The following DHX16 variants were observed in gnomAD, a reference collection of about 807,000 sequenced individuals.
The protein encoded by DHX16 is DEAH-box helicase 16, also known as pre-mRNA-splicing factor ATP-dependent RNA helicase DHX16.
A neutral mutation model predicts 131.2 loss-of-function variants in DHX16; 81 were observed. The observed-to-expected ratio is 0.62, with a 90% CI of 0.52 to 0.74. DHX16 has a LOEUF of 0.74. Among genes scored for constraint, DHX16 ranks in the 30% least tolerant of loss-of-function variants. The pLI, the probability that DHX16 is intolerant of heterozygous loss-of-function variation, is 0.00. For synonymous variants in DHX16, 440 were observed against 520.2 expected (o/e 0.85, Z 2.10); for missense variants, 980 against 1,363.1 (o/e 0.72, Z 4.43).
intron 12 of DHX16, among the ~76,000 whole-genome samples, chr6:30,658,570 G>T (rs1768190904): frequency 6.7e-6 from 1 of 150,140 alleles, no homozygotes; most frequent in Admixed American, 6.6e-5. Flanking sequence ...AATTAGCTTG[G>T]GGTGGTGGTA....
intron 4 of DHX16, among the ~76,000 whole-genome samples, chr6:30,668,582 C>A (rs1394306511): frequency 6.6e-6 from 1 of 151,660 alleles, no homozygotes; most frequent in South Asian, 2.1e-4. Flanking sequence ...ACCCGGGAGG[C>A]GGAGGTTGCA....
In DHX16 at chr6:30,659,630, T is replaced by C; in HGVS notation, c.1855-6A>G. ...CAGGCAGCCTCAATCTCCTCCTGGA[T>C]AGAGGGTAGGGAGAGCAGCAGGGGT... On this transcript the variant is annotated splice_region_variant and splice_polypyrimidine_tract_variant and intron_variant, in intron 11 of 19. Transcript: ENST00000376442. 6.2e-7 allele frequency: 1 copy of C among 1,613,888 alleles called. No homozygotes were observed.
intron 7 of DHX16, among the ~76,000 whole-genome samples, chr6:30,663,461 C>T (rs1768709557): frequency 6.6e-6 from 1 of 152,148 alleles, no homozygotes; most frequent in Non-Finnish European, 1.5e-5. Flanking sequence ...GTGGCTCACA[C>T]CTGCAATTCC....
At position 30,656,321 on chromosome 6, in the gene DHX16, A is replaced by G; in HGVS notation, c.2431-56T>C. 1 of 1,610,630 alleles carries G rather than the reference A, an allele frequency of 6.2e-7. No individual in the cohort carries two copies. Among genetic ancestry groups the G allele is most frequent in the East Asian group, 2.2e-5 (1 of 44,862 alleles). ...GTCCTCCCTCAGGTTTCCCGCTACT[A>G]CTACAGGGGTCCCTGGAGCCATCCT... On this transcript the variant is annotated intron_variant, in intron 15 of 19. Transcript: ENST00000376442. This position sits in a 1 kb window ranked among gnomAD's most constrained non-coding sequence, Gnocchi z 5.1.
At chr6:30,654,668 T>TA in intron 19 of DHX16, 38 bp downstream of exon 19, 1 of 1,578,348 alleles carries the variant, frequency 6.3e-7, no homozygotes, top group Non-Finnish European at 8.6e-7. Flanking sequence ...TCTCTCTACA[T>TA]AGTCTCCACC....
In DHX16 at chr6:30,660,075, C is replaced by T. The variant is rs1384461457; in HGVS notation, c.1712G>A (p.Arg571Gln). ...CACAGGAAACCTGCGTCCGGGGATT[C>T]GAAACACAGGGGCGTCATCAAAGAA... ...STFFDDAPVF[R>Q]IPGRRFPVDI... is the part of the protein sequence containing the mutation. Residue 571 changes from arginine to glutamine, a missense_variant, in exon 10 of 20, where the codon CGA (arginine) becomes CAA (glutamine). Arg to Gln is a conservative substitution (Grantham distance 43). Around this residue, in one of 3 missense-constraint regions of DHX16, gnomAD observed 309 missense variants for 537.1 expected, o/e 0.58. Transcript: ENST00000376442. 3.7e-6 allele frequency: 6 copies of T among 1,612,768 alleles called. No homozygotes were observed. The highest frequency in any genetic ancestry group is 1.1e-5 in the South Asian group (1 of 91,040).
chr6:30,654,558 CA>C (rs1226266130), intron 19 of DHX16, 147 bp downstream of exon 19: 89 of 801,590 alleles, frequency 1.1e-4, no homozygotes, highest in South Asian at 1.9e-4. Context: ...TCAAAAAAAA[CA>C]AAAAAAAACA....
intron 12 of DHX16, among the ~76,000 whole-genome samples, chr6:30,657,971 T>C (rs1768135942): frequency 6.6e-6 from 1 of 152,258 alleles, no homozygotes; most frequent in Admixed American, 6.5e-5. Context: ...AGTGCAAGTT[T>C]GTTAGGCTAA....
In DHX16 at chr6:30,665,580, G is replaced by A. The variant is rs543682795; in HGVS notation, c.820C>T (p.Arg274Trp). ...RHERQELKYK[R>W]RVRDLAREYR... ...TCCCGGGCGAGATCCCGCACTCGCC[G>A]CTTATATTTGAGCTCCTGCCGCTCG... Residue 274 changes from arginine to tryptophan, a missense_variant, in exon 5 of 20, where the codon CGG (arginine) becomes TGG (tryptophan). Physicochemically the swap from Arg to Trp is moderately radical, Grantham distance 101. Transcript: ENST00000376442. The surrounding 1 kb of genome is among the most constrained non-coding windows in gnomAD (Gnocchi z 4.8). The A allele has an allele frequency of 2.9e-5, 46 of 1,612,978 alleles. No individual in the cohort carries two copies. Among genetic ancestry groups the A allele is most frequent in the South Asian group, 1.2e-4 (11 of 91,080 alleles).
rs1767650173 is a variant in DHX16 at position 30,653,459 on chromosome 6, G to C, written c.2998-89C>G. On this transcript the variant is annotated intron_variant, in intron 19 of 19. Transcript: ENST00000376442. The stretch of plus-strand genomic sequence containing the variant: ...TTTTTTTTTCTTAAATTGAAACAGA[G>C]TCTTGCTCTATTGCCCAGGCTGGAC... 2.8e-6 allele frequency: 4 copies of C among 1,434,010 alleles called. No homozygotes were observed. In the East Asian group the frequency reaches 9.7e-5, roughly 35 times the overall value. The allele number at this position is 1,434,010 out of a possible 1,614,324, so 88.8% of individuals were successfully genotyped here.
intron 19 of DHX16, among the ~76,000 whole-genome samples, chr6:30,653,915 T>C (rs1056275723): frequency 6.7e-6 from 1 of 149,112 alleles, no homozygotes; most frequent in Non-Finnish European, 1.5e-5. Context: ...AGGTCAGGAG[T>C]TCGAGATCAG....
At chr6:30,669,744 T>TAAAAAAAAAAAAAAAAAAAAA (rs953317689) in intron 4 of DHX16, among the ~76,000 whole-genome samples, 3 of 113,818 alleles carry the variant, frequency 2.6e-5, no homozygotes, top group Non-Finnish European at 5.3e-5. Flanking sequence ...AAAAAAGGTT[T>TAAAAAAAAAAAAAAAAAAAAA]AAAAAAAAAA....
rs1768876325 is a variant in DHX16, at chr6:30,664,933, G to C, written c.1185C>G (p.Val395=). The C allele has an allele frequency of 6.2e-7, 1 of 1,613,892 alleles. No individual in the cohort carries two copies. The stretch of plus-strand genomic sequence containing the variant: ...ATGGGAACACCGGGAGGCTGCGGCG[G>C]ACGGCCTGGATGGACTCTTTCTGCT... ...QAQQKESIQA[V]RRSLPVFPFR... Residue 395 remains valine (V), a synonymous_variant, in exon 7 of 20, where the codon GTC becomes GTG. Coordinates refer to ENST00000376442, the MANE Select transcript of DHX16 (RefSeq NM_003587.5).
At position 30,655,482 on chromosome 6, in the gene DHX16, A is replaced by G. The variant is rs752032921; in HGVS notation, c.2614T>C (p.Phe872Leu). ...VHADNARVNF[F>L]LPGGDHLVLL... Reference sequence around the variant, plus strand: ...ACCAGGTGGTCACCGCCAGGGAGAAAGAAGTTGACACGGGCATTGTCAGCA... The same window carrying G: ...ACCAGGTGGTCACCGCCAGGGAGAAGGAAGTTGACACGGGCATTGTCAGCA... The change falls in exon 17 of 20, where the codon TTT (phenylalanine) becomes CTT (leucine). Residue 872 changes from phenylalanine (F) to leucine (L), a missense_variant. By Grantham distance (22) the Phe-to-Leu change is conservative (BLOSUM62 0). This residue lies in a region of DHX16 where 214 missense variants were observed against 271.2 expected (regional missense o/e 0.79). Coordinates refer to ENST00000376442, the MANE Select transcript of DHX16 (RefSeq NM_003587.5). 2 of 1,613,388 alleles carry G rather than the reference A, an allele frequency of 1.2e-6. No homozygotes were observed. Among genetic ancestry groups the G allele is most frequent in the South Asian group, 1.1e-5 (1 of 91,088 alleles).
chr6:30,656,162 T>G lies in DHX16; in HGVS notation c.2498+36A>C, dbSNP rs1767959195. 6.2e-7 allele frequency: 1 copy of G among 1,606,222 alleles called. No homozygotes were observed. The highest frequency in any genetic ancestry group is 1.3e-5 in the African/African-American group (1 of 74,778). ...GGAGACAGAGGAGGCCTGGCCTGTT[T>G]GTGTGCTGGGGGCCCAGGTGGAGGC... On this transcript the variant is annotated intron_variant, in intron 16 of 19. Transcript: ENST00000376442. The surrounding 1 kb of genome is among the most constrained non-coding windows in gnomAD (Gnocchi z 5.1).
Position 30,672,654 on chromosome 6 carries a change from G to A in DHX16, c.188C>T (p.Ala63Val). 1 of 1,612,646 alleles carries A rather than the reference G, an allele frequency of 6.2e-7. No homozygotes were observed. The highest frequency in any genetic ancestry group is 8.5e-7 in the Non-Finnish European group (1 of 1,179,676). Residue 63 changes from alanine to valine, a missense_variant, in exon 1 of 20, where the codon GCC becomes GTC. Coordinates refer to ENST00000376442, the MANE Select transcript of DHX16 (RefSeq NM_003587.5). Reference sequence around the variant, plus strand: ...CGACACCTTGTTCCAGAGTCTCAGGGCGAAGTCCCGGGCCGGCCCACTGAG... The same window carrying A: ...CGACACCTTGTTCCAGAGTCTCAGGACGAAGTCCCGGGCCGGCCCACTGAG... ...LDLSGPARDF[A>V]LRLWNKVPRK...
At chr6:30,671,511 C>T (rs1769553452) in intron 1 of DHX16, among the ~76,000 whole-genome samples, 1 of 150,486 alleles carries the variant, frequency 6.6e-6, no homozygotes, top group South Asian at 2.1e-4. Flanking sequence ...CCACGCCCGA[C>T]TATTTTTGTA....
In DHX16 at chr6:30,670,924, C is replaced by G. The variant is rs759879737; in HGVS notation, c.475G>C (p.Glu159Gln). The G allele has an allele frequency of 8.7e-6, 14 of 1,612,982 alleles. No individual in the cohort carries two copies. In the East Asian group the frequency reaches 2.9e-4, roughly 33 times the overall value. Reference sequence around the variant, plus strand: ...GTCCGTTCCCACTCATCTTCCGACTCTGGCTTCTCTGTCTGCTGTTTACTC... The same window carrying G: ...GTCCGTTCCCACTCATCTTCCGACTGTGGCTTCTCTGTCTGCTGTTTACTC... The part of the protein sequence containing the change: ...GGSKQQTEKP[E>Q]SEDEWERTER... Residue 159 changes from glutamate (E) to glutamine (Q), a missense_variant, in exon 3 of 20, where the codon GAG becomes CAG. Coordinates refer to ENST00000376442, the MANE Select transcript of DHX16 (RefSeq NM_003587.5). This position sits in a 1 kb window ranked among gnomAD's most constrained non-coding sequence, Gnocchi z 4.4.
At position 30,665,214 on chromosome 6, in the gene DHX16, G is replaced by T; in HGVS notation, c.982C>A (p.Arg328Ser). Residue 328 changes from arginine to serine, a missense_variant, in exon 6 of 20, where the codon CGC becomes AGC. Coordinates refer to ENST00000376442, the MANE Select transcript of DHX16 (RefSeq NM_003587.5). This position sits in a 1 kb window ranked among gnomAD's most constrained non-coding sequence, Gnocchi z 4.8. ...ESGAPGEEQR[R>S]WEEARLGAAS... Reference sequence around the variant, plus strand: ...GCCCCAAGCCGCGCCTCCTCCCAGCGCCGCTGCTCCTCCCCAGGGGCTCCT... The same window carrying T: ...GCCCCAAGCCGCGCCTCCTCCCAGCTCCGCTGCTCCTCCCCAGGGGCTCCT... 6.2e-7 allele frequency: 1 copy of T among 1,607,554 alleles called. No individual in the cohort carries two copies. Among genetic ancestry groups the T allele is most frequent in the Non-Finnish European group, 8.5e-7 (1 of 1,179,748 alleles).
Sources: allele counts gnomAD v4.1 joint callset (sites outside exome capture counted in the v4.1 genomes callset), GRCh38; gene constraint gnomAD v4.1.1; regional missense constraint gnomAD v4.1.1; non-coding constraint Gnocchi (gnomAD v3.1); transcripts MANE v1.5; gene names NCBI Gene and HGNC (gene_info 2026-07-23, HGNC 2026-07-21).